The following IGSF10 variants were observed in gnomAD, a reference collection of about 807,000 sequenced individuals.
The protein encoded by IGSF10 is calvaria mechanical force protein 608.
In IGSF10, 126 loss-of-function variants were observed where a neutral mutation model predicts 128.2. That is an observed-to-expected ratio of 0.98 (90% CI 0.85 to 1.14). The LOEUF (loss-of-function observed/expected upper bound fraction) is 1.14, where lower values mean the gene tolerates loss of function less well. IGSF10 is among the 50% of genes most tolerant of loss of function. IGSF10 has a pLI of 0.00. For synonymous variants in IGSF10, 1,185 were observed against 1,146.2 expected, an observed-to-expected ratio of 1.03 and a Z score of -0.68; for missense variants, 3,295 against 3,149.8, an observed-to-expected ratio of 1.05 and a Z score of -1.10.
At chr3:151,612,053 C>A in the IGSF10 span, among the ~76,000 whole-genome samples, 3 of 152,106 alleles carry the variant, frequency 2.0e-5, no homozygotes, top group Admixed American at 6.6e-5. Flanking sequence ...AGGACTATTT[C>A]CTTTCTCTTT....
rs1295386857 is a variant in IGSF10 at position 151,446,392 on chromosome 3, T to C, written c.3589A>G (p.Arg1197Gly). 6.2e-7 allele frequency: 1 copy of C among 1,613,454 alleles called. No homozygotes were observed. Among genetic ancestry groups the C allele is most frequent in the South Asian group, 1.1e-5 (1 of 91,044 alleles). The change falls in exon 6 of 8, where the codon AGG (arginine) becomes GGG (glycine). Residue 1197 changes from arginine (R) to glycine (G), a missense_variant. Physicochemically the swap from Arg to Gly is moderately radical, Grantham distance 125. Coordinates refer to ENST00000282466, the MANE Select transcript of IGSF10 (RefSeq NM_178822.5). ...CAGGGAATTTTCCTTCTTGAAAACC[T>C]TGTAATGGCTATAATAGTCATTGGT... ...KPPMTIIAIT[R>G]FSRRKIPWQQ...
chr3:151,442,754 A>G (rs976343443), intron 7 of IGSF10, among the ~76,000 whole-genome samples: 4 of 152,096 alleles, frequency 2.6e-5, no homozygotes, highest in African/African-American at 4.8e-5. Context: ...TCTGCCTAAA[A>G]TATAAAAACC....
chr3:151,440,174 C>T (rs1203900543), intron 7 of IGSF10, among the ~76,000 whole-genome samples: 1 of 152,110 alleles, frequency 6.6e-6, no homozygotes, highest in East Asian at 1.9e-4. Flanking sequence ...GGACTACAGA[C>T]ACACACCACT....
At chr3:151,560,301 C>A in the IGSF10 span, among the ~76,000 whole-genome samples, 44 of 152,038 alleles carry the variant, frequency 2.9e-4, no homozygotes, top group African/African-American at 1.0e-3. Flanking sequence ...AACAAGACAA[C>A]TTTTATTCAC....
the IGSF10 span, among the ~76,000 whole-genome samples, chr3:151,537,588 C>T: frequency 2.0e-5 from 3 of 152,126 alleles, no homozygotes; most frequent in Admixed American, 2.0e-4. Context: ...TTATACTATG[C>T]CTTCTTCATA....
chr3:151,572,863 A>G, the IGSF10 span, among the ~76,000 whole-genome samples: 1 of 152,196 alleles, frequency 6.6e-6, no homozygotes, highest in South Asian at 2.1e-4. Flanking sequence ...ATTTAGTGCT[A>G]TAAGTTTCCC....
At chr3:151,494,999 A>G in the IGSF10 span, among the ~76,000 whole-genome samples, 1 of 152,140 alleles carries the variant, frequency 6.6e-6, no homozygotes, top group Non-Finnish European at 1.5e-5. Context: ...GAGAGCCCAG[A>G]CAGTATATGC....
At chr3:151,587,440 T>C in the IGSF10 span, among the ~76,000 whole-genome samples, 11 of 152,330 alleles carry the variant, frequency 7.2e-5, no homozygotes, top group Admixed American at 7.2e-4. Flanking sequence ...TTTGATTTAT[T>C]TTTAAAAAGA....
At chr3:151,528,547 T>G in the IGSF10 span, among the ~76,000 whole-genome samples, 1 of 152,130 alleles carries the variant, frequency 6.6e-6, no homozygotes, top group Admixed American at 6.5e-5. Context: ...GTGCAGCCCA[T>G]GGAGGGCAAA....
the IGSF10 span, among the ~76,000 whole-genome samples, chr3:151,564,438 CTT>C: frequency 1.2e-4 from 18 of 152,212 alleles, no homozygotes; most frequent in Admixed American, 7.9e-4. Flanking sequence ...TCCTTCCTCT[CTT>C]TGTTTCCTCC....
At chr3:151,494,652 A>G in the IGSF10 span, among the ~76,000 whole-genome samples, 1 of 152,152 alleles carries the variant, frequency 6.6e-6, no homozygotes, top group Non-Finnish European at 1.5e-5. Context: ...TGTACTTACA[A>G]GGTAATTATC....
the IGSF10 span, among the ~76,000 whole-genome samples, chr3:151,592,533 C>G: frequency 3.9e-5 from 6 of 152,122 alleles, no homozygotes; most frequent in African/African-American, 1.2e-4. Flanking sequence ...GTGTTGCAGT[C>G]AAGGGACCCT....
At chr3:151,449,905 G>A (rs1216327066) in intron 5 of IGSF10, among the ~76,000 whole-genome samples, 1 of 152,184 alleles carries the variant, frequency 6.6e-6, no homozygotes, top group Non-Finnish European at 1.5e-5. Context: ...ACTGAATATG[G>A]ACAGTGACTA....
chr3:151,600,187 G>A, the IGSF10 span, among the ~76,000 whole-genome samples: 1 of 151,824 alleles, frequency 6.6e-6, no homozygotes, highest in Non-Finnish European at 1.5e-5. Context: ...CTCATTTTCA[G>A]GTAGCTAAAA....
At chr3:151,509,809 C>T in the IGSF10 span, among the ~76,000 whole-genome samples, 16 of 152,190 alleles carry the variant, frequency 1.1e-4, no homozygotes, top group Admixed American at 2.6e-4. Flanking sequence ...GCTTATCAAA[C>T]GGCACACCAG....
At chr3:151,548,294 T>A in the IGSF10 span, among the ~76,000 whole-genome samples, 1 of 152,168 alleles carries the variant, frequency 6.6e-6, no homozygotes, top group Admixed American at 6.5e-5. Flanking sequence ...CAGCCCCAGC[T>A]AAGGTTCAAG....
chr3:151,557,501 T>C, the IGSF10 span, among the ~76,000 whole-genome samples: 2 of 152,074 alleles, frequency 1.3e-5, no homozygotes, highest in East Asian at 1.9e-4. Flanking sequence ...GAAAAAGCCC[T>C]TCCCTTCCCT....
intron 7 of IGSF10, 30 bp from the exon 8 acceptor site, chr3:151,438,627 G>T (rs762466411): frequency 1.4e-5 from 22 of 1,550,130 alleles, no homozygotes; most frequent in Non-Finnish European, 1.9e-5. Flanking sequence ...ATTTGAGTGT[G>T]CAGCTGTTAG....
chr3:151,575,846 G>A, the IGSF10 span, among the ~76,000 whole-genome samples: 2 of 152,052 alleles, frequency 1.3e-5, no homozygotes, highest in African/African-American at 2.4e-5. Flanking sequence ...GTTCCTATTC[G>A]GCCATCTTGG....
Sources: gnomAD v4.1 joint callset for allele counts (sites outside exome capture counted in the v4.1 genomes callset) on GRCh38, gnomAD v4.1.1 for gene constraint, MANE v1.5 for transcripts, NCBI Gene and HGNC (gene_info 2026-07-23, HGNC 2026-07-21) for gene names.